Variants in SLC44A1 observed in about 807,000 individuals in gnomAD.
The protein encoded by SLC44A1 is solute carrier family 44 member 1, also known as choline transporter-like protein 1.
In SLC44A1, 26 loss-of-function variants were observed where a neutral mutation model predicts 79.3. The ratio of observed to expected loss-of-function variants is 0.33; its 90% confidence interval spans 0.24 to 0.46. The LOEUF (loss-of-function observed/expected upper bound fraction) is 0.46. Ranked by LOEUF, SLC44A1 falls within the 20% of genes least tolerant of loss-of-function variation. The pLI is 1.00. For synonymous variants in SLC44A1, 263 were observed against 286.2 expected (o/e 0.92, Z 0.82); for missense variants, 688 against 798.1 (o/e 0.86, Z 1.66).
intron 3 of SLC44A1, among the ~76,000 whole-genome samples, chr9:105,330,328 G>A (rs765623075): frequency 2.0e-5 from 3 of 152,168 alleles, no homozygotes; most frequent in Non-Finnish European, 2.9e-5. Flanking sequence ...GGAAAGTTAG[G>A]TTAGTCACCC....
In SLC44A1 at chr9:105,309,025, C is replaced by T. The variant is rs147522919; in HGVS notation, c.127-699C>T. ...TTCCCATGAAATGAAGTGACCTTTG[C>T]AGTATACAAAGCCAGTGCCTTACTC... On this transcript the variant is annotated intron_variant, in intron 2 of 15. Coordinates refer to ENST00000374720, the MANE Select transcript of SLC44A1 (RefSeq NM_080546.5). Among the ~76,000 whole-genome samples, 19 of 152,274 alleles carry T rather than the reference C, an allele frequency of 1.2e-4. No homozygotes were observed. In the East Asian group the frequency reaches 3.7e-3, roughly 29 times the overall value.
chr9:105,252,560 A>AAT (rs1435170244), intron 1 of SLC44A1, among the ~76,000 whole-genome samples: 1 of 152,198 alleles, frequency 6.6e-6, no homozygotes, highest in East Asian at 1.9e-4. Flanking sequence ...TATACTTATA[A>AAT]AGGTGTAAGT....
At position 105,391,245 on chromosome 9, in the gene SLC44A1, C is replaced by T. The variant is rs1828756290; in HGVS notation, c.*2189C>T. ...GTTGCTGCTCCCTGTTCCATATGCT[C>T]GCAATCTCAGCTATTTGGAAGCTAC... On this transcript the variant is annotated 3_prime_UTR_variant, in exon 16 of 16. Coordinates refer to ENST00000374720, the MANE Select transcript of SLC44A1 (RefSeq NM_080546.5). 4 of 985,606 alleles carry T rather than the reference C, an allele frequency of 4.1e-6. No individual in the cohort carries two copies. The highest frequency in any genetic ancestry group is 4.8e-6 in the Non-Finnish European group (4 of 829,804). The allele number at this position is 985,606 out of a possible 1,614,324, so 61.1% of individuals were successfully genotyped here. A position where few individuals can be genotyped will look rare whatever the true frequency, so the allele number is the denominator to read the frequency against.
rs1382787762 is a variant in SLC44A1 at position 105,392,285 on chromosome 9, C to A, written c.*3229C>A. 2 of 983,784 alleles carry A rather than the reference C, an allele frequency of 2.0e-6. No homozygotes were observed. Among genetic ancestry groups the A allele is most frequent in the Non-Finnish European group, 2.4e-6 (2 of 828,612 alleles). The allele number at this position is 983,784 out of a possible 1,614,324, so 60.9% of individuals were successfully genotyped here. ...AGTCACTACAACTTAAGTAGCTTAA[C>A]TGTATGTTGGTACCCAAACTTTTTC... On this transcript the variant is annotated 3_prime_UTR_variant, in exon 16 of 16. Coordinates refer to ENST00000374720, the MANE Select transcript of SLC44A1 (RefSeq NM_080546.5).
chr9:105,356,314 A>C lies in SLC44A1; in HGVS notation c.603A>C (p.Leu201Phe). The change falls in exon 6 of 16, where the codon TTA becomes TTC. Residue 201 changes from leucine (L) to phenylalanine (F), a missense_variant. By Grantham distance (22) the Leu-to-Phe change is conservative (BLOSUM62 0). Coordinates refer to ENST00000374720, the MANE Select transcript of SLC44A1 (RefSeq NM_080546.5). ...LITFVSDNSV[L>F]HRLISGVMTS... Reference sequence around the variant, plus strand: ...CCTTTGTCAGTGACAATAGTGTCTTACACAGGCTGATTAGTGGAGTAATGA... The same window carrying C: ...CCTTTGTCAGTGACAATAGTGTCTTCCACAGGCTGATTAGTGGAGTAATGA... 1 of 1,612,398 alleles carries C rather than the reference A, an allele frequency of 6.2e-7. No homozygotes were observed.
Position 105,300,046 on chromosome 9 carries a change from A to T in SLC44A1, c.126+737A>T, listed in dbSNP as rs569152137. 1.5e-5 allele frequency: 8 copies of T among 532,536 alleles called. No individual in the cohort carries two copies. The South Asian group carries it at 5.7e-4, about 38-fold the overall frequency. 33.0% of individuals were successfully genotyped at this position (532,536 alleles called of 1,614,324 possible). ...CTGCCAGTGTGCTGGGCTGGAAAAA[A>T]CATAGAAAACTGCTATTTTTAAAGC... On this transcript the variant is annotated intron_variant, in intron 2 of 15. Transcript: ENST00000374720.
At chr9:105,285,310 A>C (rs76302045) in intron 1 of SLC44A1, among the ~76,000 whole-genome samples, 1,767 of 152,308 alleles carry the variant, frequency 0.012, 37 homozygotes, top group African/African-American at 0.041. Flanking sequence ...GTTAAATATC[A>C]CTGCAGGTGT....
intron 1 of SLC44A1, among the ~76,000 whole-genome samples, chr9:105,259,600 C>T (rs752550369): frequency 1.3e-5 from 2 of 152,152 alleles, no homozygotes; most frequent in Non-Finnish European, 2.9e-5. Context: ...GCTTGCTAAG[C>T]CTCAAAGTTT....
downstream of SLC44A1, among the ~76,000 whole-genome samples, chr9:105,399,205 A>G (rs1328745388): frequency 1.3e-5 from 2 of 152,236 alleles, no homozygotes; most frequent in Admixed American, 6.5e-5. Flanking sequence ...TTCCAGAAAA[A>G]GTAAAGCTAA....
intron 15 of SLC44A1, among the ~76,000 whole-genome samples, chr9:105,424,615 A>G (rs1218473424): frequency 1.3e-5 from 2 of 152,162 alleles, no homozygotes; most frequent in African/African-American, 2.4e-5. Context: ...TATATCAACA[A>G]TGGTGATAAA....
chr9:105,247,451 G>C (rs1829484137), intron 1 of SLC44A1, among the ~76,000 whole-genome samples: 1 of 152,068 alleles, frequency 6.6e-6, no homozygotes, highest in Non-Finnish European at 1.5e-5. Flanking sequence ...GTATGCACCA[G>C]CTCATCTGGC....
At chr9:105,305,088 A>G (rs1028193054) in intron 2 of SLC44A1, among the ~76,000 whole-genome samples, 8 of 146,286 alleles carry the variant, frequency 5.5e-5, no homozygotes, top group African/African-American at 2.0e-4. Context: ...CTCCTGCTTC[A>G]GCCTCCTGAG....
intron 3 of SLC44A1, among the ~76,000 whole-genome samples, chr9:105,319,682 A>G (rs1826324295): frequency 6.6e-6 from 1 of 152,124 alleles, no homozygotes; most frequent in South Asian, 2.1e-4. Context: ...TCTGTGACCC[A>G]AGAGCACCAA....
chr9:105,375,603 A>G (rs1486475653), intron 13 of SLC44A1, among the ~76,000 whole-genome samples: 3 of 152,214 alleles, frequency 2.0e-5, no homozygotes, highest in African/African-American at 4.8e-5. Context: ...TGCTTGACAC[A>G]TTTTAAGTTC....
chr9:105,346,480 G>A lies in SLC44A1; in HGVS notation c.407-1878G>A, dbSNP rs1283684763. Among the ~76,000 whole-genome samples, 3 of 152,048 alleles carry A rather than the reference G, an allele frequency of 2.0e-5. No individual in the cohort carries two copies. The East Asian group carries it at 5.8e-4, about 29-fold the overall frequency. On this transcript the variant is annotated intron_variant, in intron 4 of 15. Transcript: ENST00000374720. ...GTTTTGTGCAAATCGATTCCATCTT[G>A]GACTCTGAAAGAAATAAGTTGACAA... is the stretch of plus-strand genomic sequence containing the variant.
At chr9:105,347,496 A>G (rs938807787) in intron 4 of SLC44A1, among the ~76,000 whole-genome samples, 2 of 151,974 alleles carry the variant, frequency 1.3e-5, no homozygotes, top group African/African-American at 4.8e-5. Flanking sequence ...TGTATATTGG[A>G]TTTAGTGGAC....
chr9:105,401,522 TG>T (rs529146201), downstream of SLC44A1, among the ~76,000 whole-genome samples: 193 of 152,272 alleles, frequency 1.3e-3, no homozygotes, highest in African/African-American at 4.6e-3. Context: ...CAAATCTAAA[TG>T]GATTTAGGAT....
At chr9:105,246,088 G>A (rs572612274) in intron 1 of SLC44A1, among the ~76,000 whole-genome samples, 1 of 152,084 alleles carries the variant, frequency 6.6e-6, no homozygotes, top group Non-Finnish European at 1.5e-5. Context: ...TTTGTTTTAG[G>A]GGGCAGAAAA....
chr9:105,364,253 G>GA (rs1827874467), intron 9 of SLC44A1, among the ~76,000 whole-genome samples: 1 of 152,084 alleles, frequency 6.6e-6, no homozygotes, highest in East Asian at 1.9e-4. Flanking sequence ...AATAGGCCTT[G>GA]AAAAAAACTG....
Sources: gnomAD v4.1 joint callset for allele counts (sites outside exome capture counted in the v4.1 genomes callset) on GRCh38, gnomAD v4.1.1 for gene constraint, MANE v1.5 for transcripts, NCBI Gene and HGNC (gene_info 2026-07-23, HGNC 2026-07-21) for gene names.